Variants in ROBO1 observed in about 807,000 individuals in gnomAD.
ROBO1 encodes roundabout homolog 1.
Under a neutral mutation model 195.9 loss-of-function variants are expected in ROBO1, and 149 were observed. The ratio of observed to expected loss-of-function variants is 0.76; its 90% CI spans 0.67 to 0.87. The LOEUF (loss-of-function observed/expected upper bound fraction) is 0.87. Ranked by LOEUF, ROBO1 falls within the 40% of genes least tolerant of loss-of-function variation. The pLI, the probability that ROBO1 is intolerant of heterozygous loss-of-function variation, is 0.00. For missense variants in ROBO1, 1,933 were observed against 2,068.3 expected (o/e 0.93, Z 1.27); for synonymous variants, 816 against 733.2 (o/e 1.11, Z -1.82).
At chr3:79,274,359 G>C (rs573376155) in intron 2 of ROBO1, among the ~76,000 whole-genome samples, 3 of 151,718 alleles carry the variant, frequency 2.0e-5, no homozygotes, top group African/African-American at 4.8e-5. Context: ...TTTGGAAACT[G>C]AAAAAATACA....
chr3:79,209,218 C>T (rs559362176), intron 2 of ROBO1, among the ~76,000 whole-genome samples: 1 of 152,226 alleles, frequency 6.6e-6, no homozygotes, highest in East Asian at 1.9e-4. Flanking sequence ...GCTTAGCTTC[C>T]ACTTACAAGT....
In ROBO1 at chr3:78,635,826, T is replaced by TGTTTCTGCTGTCCCAGTGGA; in HGVS notation, c.3319_3320insTCCACTGGGACAGCAGAAAC (p.Gln1107LeufsTer23). On this transcript the variant is annotated frameshift_variant, in exon 23 of 31. Transcript: ENST00000464233. LOFTEE classifies it high-confidence loss of function. The stretch of plus-strand genomic sequence containing the variant: ...GTTGTACTGAACTGGTGCCACTTCT[T>TGTTTCTGCTGTCCCAGTGGA]GTTTCTGCTGTCCCAGTGGTTTCCA... 6.2e-7 allele frequency: 1 copy of TGTTTCTGCTGTCCCAGTGGA among 1,613,826 alleles called. No homozygotes were observed. Among genetic ancestry groups the TGTTTCTGCTGTCCCAGTGGA allele is most frequent in the Non-Finnish European group, 8.5e-7 (1 of 1,179,804 alleles).
intron 2 of ROBO1, among the ~76,000 whole-genome samples, chr3:79,489,981 C>G (rs985567863): frequency 6.6e-6 from 1 of 152,158 alleles, no homozygotes; most frequent in African/African-American, 2.4e-5. Flanking sequence ...ATTTGTTGAT[C>G]TTTGAAAGAG....
chr3:79,161,231 A>G (rs932617782), intron 2 of ROBO1, among the ~76,000 whole-genome samples: 9 of 152,094 alleles, frequency 5.9e-5, no homozygotes, highest in African/African-American at 2.2e-4. Flanking sequence ...AGCTGACATA[A>G]ATGTAGGAAG....
chr3:79,271,694 G>GTA lies in ROBO1; in HGVS notation c.89-146157_89-146156dup, dbSNP rs148280468. The stretch of plus-strand genomic sequence containing the variant: ...GATAATGGTATATGTATGTATATGT[G>GTA]TATATATATATATGCATATGCTTAT... On this transcript the variant is annotated intron_variant, in intron 2 of 30. Transcript: ENST00000464233. Among the ~76,000 whole-genome samples, 712 of 150,748 alleles carry GTA rather than the reference G, an allele frequency of 4.7e-3. 4 individuals carry two copies. The highest frequency in any genetic ancestry group is 0.014 in the Middle Eastern group (4 of 292).
chr3:79,700,317 T>TGTGTGTG (rs1553793340), intron 1 of ROBO1, among the ~76,000 whole-genome samples: 15 of 144,256 alleles, frequency 1.0e-4, no homozygotes, highest in East Asian at 4.1e-4. Context: ...GTGTGTGTGT[T>TGTGTGTG]TGTGTGTGTG....
intron 4 of ROBO1, among the ~76,000 whole-genome samples, chr3:78,874,363 G>A (rs1342520317): frequency 6.6e-6 from 1 of 151,622 alleles, no homozygotes; most frequent in Non-Finnish European, 1.5e-5. Context: ...AAAATTCATA[G>A]CCTTTTAATA....
chr3:78,822,089 T>TACACACAC (rs1426335892), intron 4 of ROBO1, among the ~76,000 whole-genome samples: 6 of 113,668 alleles, frequency 5.3e-5, no homozygotes, highest in African/African-American at 2.1e-4. Context: ...AACACACATA[T>TACACACAC]ACATACACAC....
intron 3 of ROBO1, among the ~76,000 whole-genome samples, chr3:78,965,464 C>T (rs2076620193): frequency 6.6e-6 from 1 of 151,984 alleles, no homozygotes; most frequent in African/African-American, 2.4e-5. Flanking sequence ...TAGGCCTTTC[C>T]TACTTCTTTG....
intron 3 of ROBO1, chr3:79,018,629 TGTCA>T: frequency 6.9e-7 from 1 of 1,446,816 alleles, no homozygotes; most frequent in East Asian, 2.5e-5. Context: ...TCCGGACGCT[TGTCA>T]GTATCTCAGA....
chr3:79,116,355 CTTA>C (rs1382896004), intron 3 of ROBO1, among the ~76,000 whole-genome samples: 1 of 123,062 alleles, frequency 8.1e-6, no homozygotes, highest in Non-Finnish European at 1.8e-5. Context: ...CTTTTTCTTT[CTTA>C]TTTTTTTCGT....
At chr3:79,396,724 A>G (rs996032317) in intron 2 of ROBO1, among the ~76,000 whole-genome samples, 2 of 152,160 alleles carry the variant, frequency 1.3e-5, no homozygotes, top group African/African-American at 4.8e-5. Context: ...AAATGAGTCA[A>G]AAGTTTCTTT....
intron 2 of ROBO1, among the ~76,000 whole-genome samples, chr3:79,262,675 T>C (rs2082962781): frequency 6.6e-6 from 1 of 152,020 alleles, no homozygotes; most frequent in Admixed American, 6.6e-5. Flanking sequence ...AGAAATTGCT[T>C]TTAAAAAGTG....
chr3:79,511,895 G>C (rs1940724805), intron 2 of ROBO1, among the ~76,000 whole-genome samples: 1 of 152,038 alleles, frequency 6.6e-6, no homozygotes, highest in African/African-American at 2.4e-5. Context: ...ACACAGAGGG[G>C]AACAACACAC....
intron 3 of ROBO1, among the ~76,000 whole-genome samples, chr3:78,993,816 C>T (rs2077292876): frequency 6.6e-6 from 1 of 152,076 alleles, no homozygotes; most frequent in Non-Finnish European, 1.5e-5. Context: ...ACAAGATGTT[C>T]TCTAAATTCT....
chr3:78,831,288 T>C (rs750633667), intron 4 of ROBO1, among the ~76,000 whole-genome samples: 3 of 152,112 alleles, frequency 2.0e-5, no homozygotes, highest in Non-Finnish European at 4.4e-5. Context: ...TAATAATTAC[T>C]TGTAAAGGTT....
intron 2 of ROBO1, among the ~76,000 whole-genome samples, chr3:79,174,592 T>C (rs573144288): frequency 2.0e-5 from 3 of 152,056 alleles, no homozygotes; most frequent in Non-Finnish European, 2.9e-5. Context: ...TATAATAGTA[T>C]AGACAAATAG....
At chr3:78,734,395 C>G (rs2082347195) in intron 5 of ROBO1, among the ~76,000 whole-genome samples, 1 of 15,572 alleles carries the variant, frequency 6.4e-5, no homozygotes, top group Non-Finnish European at 1.2e-4. Flanking sequence ...ACCCCACCGC[C>G]ACAAAAAAAA....
At chr3:79,759,984 C>A (rs1260404989) in intron 1 of ROBO1, among the ~76,000 whole-genome samples, 1 of 151,828 alleles carries the variant, frequency 6.6e-6, no homozygotes, top group East Asian at 1.9e-4. Context: ...TGCCTGTAAT[C>A]CCAGCACTTT....
Sources: gnomAD v4.1 joint callset for allele counts (sites outside exome capture counted in the v4.1 genomes callset) on GRCh38, gnomAD v4.1.1 for gene constraint, MANE v1.5 for transcripts, NCBI Gene and HGNC (gene_info 2026-07-23, HGNC 2026-07-21) for gene names.